RBFOX2: variants seen among roughly 807,000 people sequenced by gnomAD.
The protein encoded by RBFOX2 is RNA binding protein fox-1 homolog 2.
In RBFOX2, 10 loss-of-function variants were observed where a neutral mutation model predicts 49.1. That is an observed-to-expected ratio of 0.20 (90% CI 0.13 to 0.35). RBFOX2 has a LOEUF of 0.35. Among genes scored for constraint, RBFOX2 ranks in the 10% least tolerant of loss-of-function variants. The probability of loss-of-function intolerance (pLI) is 1.00; values close to 1 mark genes in which losing one functional copy is unlikely to be tolerated. For missense variants in RBFOX2, 323 were observed against 486.9 expected (o/e 0.66, Z 3.17); for synonymous variants, 183 against 187.4 (o/e 0.98, Z 0.19).
upstream of RBFOX2, among the ~76,000 whole-genome samples, chr22:35,842,508 G>A (rs1016112032): frequency 1.3e-5 from 2 of 152,136 alleles, no homozygotes; most frequent in East Asian, 1.9e-4. Flanking sequence ...AGTTTCACTG[G>A]AAGCAAGAGC....
At chr22:35,957,137 G>C (rs933817873) in intron 1 of RBFOX2, among the ~76,000 whole-genome samples, 1 of 152,154 alleles carries the variant, frequency 6.6e-6, no homozygotes, top group Non-Finnish European at 1.5e-5. Flanking sequence ...TAACCAACTA[G>C]CTCTATGGCT....
chr22:35,977,722 CTATA>C (rs375088964), intron 1 of RBFOX2, among the ~76,000 whole-genome samples: 12,239 of 80,274 alleles, frequency 0.15, 955 homozygotes, highest in Non-Finnish European at 0.17. Flanking sequence ...CCTGAATGAA[CTATA>C]TATATATATA....
At chr22:35,824,041 C>G (rs761990582) in intron 1 of RBFOX2, among the ~76,000 whole-genome samples, 3 of 151,860 alleles carry the variant, frequency 2.0e-5, no homozygotes. Context: ...CCCAGCTACT[C>G]GGGAGGCTGA....
intron 1 of RBFOX2, among the ~76,000 whole-genome samples, chr22:35,896,035 A>G (rs2149406039): frequency 6.6e-6 from 1 of 152,244 alleles, no homozygotes; most frequent in African/African-American, 2.4e-5. Context: ...TCTAATGCCA[A>G]TGTCAATGCC....
chr22:35,862,353 T>G (rs959223676), intron 1 of RBFOX2, among the ~76,000 whole-genome samples: 3 of 149,036 alleles, frequency 2.0e-5, no homozygotes, highest in African/African-American at 7.4e-5. Context: ...AATGAATTTT[T>G]GAAGGGTTAG....
chr22:36,001,042 A>G (rs947419558), intron 1 of RBFOX2, among the ~76,000 whole-genome samples: 1 of 152,188 alleles, frequency 6.6e-6, no homozygotes, highest in Non-Finnish European at 1.5e-5. Flanking sequence ...AGGTTTTCCC[A>G]TTAAAGTACT....
chr22:35,828,183 C>CA (rs1171174705), intron 1 of RBFOX2, among the ~76,000 whole-genome samples: 1 of 144,642 alleles, frequency 6.9e-6, no homozygotes, highest in Non-Finnish European at 1.5e-5. Flanking sequence ...AAAAAAGAAA[C>CA]AGATTTTTCT....
At chr22:35,856,599 GAGAT>G (rs1015908951) in intron 1 of RBFOX2, among the ~76,000 whole-genome samples, 2 of 146,812 alleles carry the variant, frequency 1.4e-5, no homozygotes, top group Non-Finnish European at 3.0e-5. Context: ...ACTTCAAAAA[GAGAT>G]AGGTCAGTTC....
chr22:35,819,131 G>A (rs1953869502), intron 1 of RBFOX2, among the ~76,000 whole-genome samples: 1 of 152,146 alleles, frequency 6.6e-6, no homozygotes, highest in Non-Finnish European at 1.5e-5. Flanking sequence ...ACCAAATGAA[G>A]TGATGATGAG....
chr22:35,806,314 AC>A lies in RBFOX2; in HGVS notation c.252+3465del, dbSNP rs1340689007. Among the ~76,000 whole-genome samples, 12 of 152,212 alleles carry A rather than the reference AC, an allele frequency of 7.9e-5. No individual in the cohort carries two copies. The East Asian group carries it at 1.7e-3, about 22-fold the overall frequency. ...AAAAAAGGAGATCTTAAAAAAAAAA[AC>A]AACGTAAGATTGTTTAAAGTAATAA... On this transcript the variant is annotated intron_variant, in intron 2 of 11. Coordinates refer to ENST00000405409, the Ensembl canonical transcript of RBFOX2.
chr22:35,774,687 A>G (rs1024404383), intron 4 of RBFOX2, among the ~76,000 whole-genome samples: 5 of 152,196 alleles, frequency 3.3e-5, no homozygotes, highest in African/African-American at 1.2e-4. Flanking sequence ...AGAAAAAACT[A>G]CTATAGAGTA....
intron 1 of RBFOX2, among the ~76,000 whole-genome samples, chr22:35,830,769 G>C (rs962350900): frequency 6.6e-6 from 1 of 152,062 alleles, no homozygotes; most frequent in Non-Finnish European, 1.5e-5. Context: ...TTGTTATACA[G>C]TATATAACTA....
chr22:35,839,733 A>C (rs1489119561), intron 1 of RBFOX2, among the ~76,000 whole-genome samples: 1 of 152,254 alleles, frequency 6.6e-6, no homozygotes, highest in Non-Finnish European at 1.5e-5. Flanking sequence ...GCAAAACTAC[A>C]ATTCCATAGC....
chr22:35,761,620 G>GT (rs1365639243), intron 6 of RBFOX2, 152 bp from the exon 8 acceptor site: 1 of 752,530 alleles, frequency 1.3e-6, no homozygotes, highest in Non-Finnish European at 2.3e-6. Context: ...ATATGAGAGA[G>GT]TAACAGTAGT....
At chr22:35,963,538 T>A (rs1230089027), upstream of RBFOX2, among the ~76,000 whole-genome samples, 1 of 152,154 alleles carries the variant, frequency 6.6e-6, no homozygotes, top group Non-Finnish European at 1.5e-5. Context: ...AGAGTGCCCA[T>A]CAACTCAATT....
Position 35,959,468 on chromosome 22 carries a change from C to T in RBFOX2, c.42+2095G>A, listed in dbSNP as rs116981877. 4.0e-3 allele frequency among the ~76,000 whole-genome samples: 614 copies of T among 152,324 alleles called. 1 individual carries two copies. The highest frequency in any genetic ancestry group is 7.3e-3 in the Non-Finnish European group (495 of 68,026). On this transcript the variant is annotated intron_variant, in intron 1 of 5. Coordinates refer to the RBFOX2 transcript ENST00000408983. ...CAATGGGAAAAATGGAGAGATAATT[C>T]ATCTTTAACCTGCGGTTATCACCCA...
intron 1 of RBFOX2, among the ~76,000 whole-genome samples, chr22:35,877,487 A>C (rs1334767960): frequency 6.6e-6 from 1 of 152,204 alleles, no homozygotes; most frequent in Non-Finnish European, 1.5e-5. Flanking sequence ...GCCACTCAGG[A>C]GTACAACAGA....
intron 1 of RBFOX2, among the ~76,000 whole-genome samples, chr22:36,020,930 T>C (rs2059221488): frequency 1.3e-5 from 2 of 152,130 alleles, no homozygotes; most frequent in African/African-American, 4.8e-5. Flanking sequence ...CATGCTGCTA[T>C]AAAGACACAT....
At chr22:35,773,899 T>C (rs1334797781) in intron 4 of RBFOX2, among the ~76,000 whole-genome samples, 1 of 152,062 alleles carries the variant, frequency 6.6e-6, no homozygotes. Flanking sequence ...AAGTTCTTAA[T>C]CACTAAAAGT....
Sources: allele counts gnomAD v4.1 joint callset (sites outside exome capture counted in the v4.1 genomes callset), GRCh38; gene constraint gnomAD v4.1.1; transcripts MANE v1.5; gene names NCBI Gene and HGNC (gene_info 2026-07-23, HGNC 2026-07-21).